Variants in ANO5 observed in about 807,000 individuals in gnomAD.
The protein encoded by ANO5 is anoctamin-5.
In ANO5, 109 loss-of-function variants were observed where a neutral mutation model predicts 121.0. The ratio of observed to expected loss-of-function variants is 0.90; its 90% CI spans 0.77 to 1.06. ANO5 has a LOEUF of 1.06. Among genes scored for constraint, ANO5 ranks in the 50% least tolerant of loss-of-function variants. The pLI is 0.00. For missense variants in ANO5, 1,064 were observed against 1,078.5 expected (o/e 0.99, Z 0.19); for synonymous variants, 406 against 359.9 (o/e 1.13, Z -1.45).
intron 13 of ANO5, among the ~76,000 whole-genome samples, chr11:22,257,110 C>A (rs951000608): frequency 2.0e-5 from 3 of 151,710 alleles, no homozygotes; most frequent in African/African-American, 4.8e-5. Context: ...TGTTTTTTTA[C>A]TATTTTTTGC....
rs777057133 is a variant in ANO5, at chr11:22,281,685, T to A, written c.*1920T>A. The A allele has an allele frequency of 1.3e-5, 2 of 152,072 alleles. No individual in the cohort carries two copies. The highest frequency in any genetic ancestry group is 4.8e-5 in the African/African-American group (2 of 41,454). 9.4% of individuals were successfully genotyped at this position (152,072 alleles called of 1,614,324 possible). The stretch of plus-strand genomic sequence containing the variant: ...AGAGCATGGAAATTGGTTTCTTGAA[T>A]ATAAGCTTTAATTTTTAAGGCTTAA... On this transcript the variant is annotated 3_prime_UTR_variant, in exon 22 of 22. Coordinates refer to ENST00000324559, the MANE Select transcript of ANO5 (RefSeq NM_213599.3).
chr11:22,277,700 A>G (rs1242237382), intron 21 of ANO5: 1 of 151,474 alleles, frequency 6.6e-6, no homozygotes, highest in African/African-American at 2.4e-5. Flanking sequence ...AGAAGTTTAG[A>G]TCACCTTTCA....
chr11:22,239,484 A>G, intron 8 of ANO5, 85 bp from the exon 9 acceptor site: 1 of 936,520 alleles, frequency 1.1e-6, no homozygotes, highest in Middle Eastern at 2.1e-4. Flanking sequence ...CTTGTTTACT[A>G]ACATTCTTAG....
Position 22,227,294 on chromosome 11 carries a change from T to C in ANO5, c.364-8T>C. The C allele has an allele frequency of 6.2e-7, 1 of 1,612,394 alleles. No individual in the cohort carries two copies. The highest frequency in any genetic ancestry group is 1.1e-5 in the South Asian group (1 of 91,034). ...GCTTTCTGCTGTTTTGCCTTTTTTT[T>C]AATGCAGGACTCGGAAGATGGAAGA... is the stretch of plus-strand genomic sequence containing the variant. On this transcript the variant is annotated splice_polypyrimidine_tract_variant and splice_region_variant and intron_variant, in intron 6 of 21. Transcript: ENST00000324559.
rs115025621 is a variant in ANO5 at position 22,255,929 on chromosome 11, T to C, written c.1332+407T>C. ...ATGTGTATGCTGTGGGCTTTGCATATAAATGTACAGACATTGAAATGATGC... is the reference window on the plus strand; with the variant it reads ...ATGTGTATGCTGTGGGCTTTGCATACAAATGTACAGACATTGAAATGATGC... On this transcript the variant is annotated intron_variant, in intron 13 of 21. Transcript: ENST00000324559. Among the ~76,000 whole-genome samples, 949 of 152,286 alleles carry C rather than the reference T, an allele frequency of 6.2e-3. 9 individuals are homozygous for C. Among genetic ancestry groups the C allele is most frequent in the African/African-American group, 0.022 (913 of 41,558 alleles).
chr11:22,205,080 G>A (rs535746287), intron 2 of ANO5, among the ~76,000 whole-genome samples: 1 of 152,172 alleles, frequency 6.6e-6, no homozygotes, highest in East Asian at 1.9e-4. Context: ...ATTACCTTTA[G>A]CAAACTAATA....
intron 9 of ANO5, among the ~76,000 whole-genome samples, chr11:22,248,072 G>GA (rs1423147504): frequency 6.6e-6 from 1 of 151,876 alleles, no homozygotes; most frequent in Non-Finnish European, 1.5e-5. Context: ...AGTCATTTTA[G>GA]AAAAAAATGT....
intron 9 of ANO5, among the ~76,000 whole-genome samples, chr11:22,245,920 G>A (rs534949806): frequency 2.9e-4 from 44 of 152,198 alleles, no homozygotes; most frequent in African/African-American, 9.2e-4. Context: ...TTTGTGTTTC[G>A]AATTTTCAGA....
At chr11:22,267,524 A>ATATATATAT (rs141657651) in intron 17 of ANO5, among the ~76,000 whole-genome samples, 2 of 144,594 alleles carry the variant, frequency 1.4e-5, no homozygotes, top group African/African-American at 5.7e-5. Flanking sequence ...ATATATATAT[A>ATATATATAT]AAATCTATCT....
At chr11:22,272,426 C>T (rs1854655031) in intron 18 of ANO5, among the ~76,000 whole-genome samples, 1 of 151,104 alleles carries the variant, frequency 6.6e-6, no homozygotes, top group Admixed American at 6.6e-5. Flanking sequence ...GATAGAAAAA[C>T]TTGGTTACCT....
rs111727530 is a variant in ANO5, at chr11:22,275,331, C to T, written c.2414+584C>T. Among the ~76,000 whole-genome samples the T allele has an allele frequency of 4.0e-3, 606 of 151,866 alleles. 1 individual carries two copies. The highest frequency in any genetic ancestry group is 0.01 in the Middle Eastern group (3 of 294). On this transcript the variant is annotated intron_variant, in intron 20 of 21. Transcript: ENST00000324559. Reference sequence around the variant, plus strand: ...AAAGACACACACACACACACACACACGCTTATCAAGGCCACTTAATTTAAA... The same window carrying T: ...AAAGACACACACACACACACACACATGCTTATCAAGGCCACTTAATTTAAA...
At chr11:22,209,420 GT>G (rs1472224039) in intron 2 of ANO5, among the ~76,000 whole-genome samples, 3 of 151,826 alleles carry the variant, frequency 2.0e-5, no homozygotes, top group Non-Finnish European at 4.4e-5. Flanking sequence ...ACTTGCTCAA[GT>G]TTACAAATGT....
At position 22,217,398 on chromosome 11, in the gene ANO5, A is replaced by G. The variant is rs565704910; in HGVS notation, c.139-848A>G. 1.5e-4 allele frequency among the ~76,000 whole-genome samples: 23 copies of G among 151,920 alleles called. No homozygotes were observed. The East Asian group carries it at 3.5e-3, about 23-fold the overall frequency. ...AACTGAGCATTTGAATAACTGAATG[A>G]CTTTTTATGTATTCTATTATATTGC... On this transcript the variant is annotated intron_variant, in intron 3 of 21. Coordinates refer to ENST00000324559, the MANE Select transcript of ANO5 (RefSeq NM_213599.3).
intron 13 of ANO5, among the ~76,000 whole-genome samples, chr11:22,255,973 T>G (rs1853989723): frequency 6.6e-6 from 1 of 152,176 alleles, no homozygotes; most frequent in Non-Finnish European, 1.5e-5. Context: ...ATATAAAAAT[T>G]AAAATAGTAT....
rs1239852095 is a variant in ANO5 at position 22,267,525 on chromosome 11, A to ATATATATATATATATATATATATAT, written c.1899-2787_1899-2786insTATATATATATATATATATATATAT. ...ATCTACAATTATATATATATATATA[A>ATATATATATATATATATATATATAT]AATCTATCTACAATTATACCAAGTG... On this transcript the variant is annotated intron_variant, in intron 17 of 21. Coordinates refer to ENST00000324559, the MANE Select transcript of ANO5 (RefSeq NM_213599.3). Among the ~76,000 whole-genome samples, 293 of 139,922 alleles carry ATATATATATATATATATATATATAT rather than the reference A, an allele frequency of 2.1e-3. 8 individuals carry two copies. The highest frequency in any genetic ancestry group is 0.019 in the East Asian group (82 of 4,420). The allele number at this position is 139,922 out of a possible 152,430, so 91.8% of individuals were successfully genotyped here.
In ANO5 at chr11:22,270,418, C is replaced by A. The variant is rs1854566957; in HGVS notation, c.2005C>A (p.Leu669Ile). ...CCTTGAAAGTTTTGGACCCCTTGGG[C>A]TTTTCTATGAGTACTTAGAAACAGG... ...HDLESFGPLG[L>I]FYEYLETVTQ... The change falls in exon 18 of 22, where the codon CTT becomes ATT. Residue 669 changes from leucine to isoleucine, a missense_variant. Transcript: ENST00000324559. 1 of 1,613,970 alleles carries A rather than the reference C, an allele frequency of 6.2e-7. No individual in the cohort carries two copies. The highest frequency in any genetic ancestry group is 1.1e-5 in the South Asian group (1 of 91,092).
chr11:22,237,741 G>A (rs932419741), intron 8 of ANO5, among the ~76,000 whole-genome samples: 4 of 152,000 alleles, frequency 2.6e-5, no homozygotes, highest in Non-Finnish European at 5.9e-5. Flanking sequence ...CAACAGGAGT[G>A]TCAATTTAGT....
intron 21 of ANO5, chr11:22,277,936 G>C (rs1854927859): frequency 6.6e-6 from 1 of 150,438 alleles, no homozygotes; most frequent in African/African-American, 2.5e-5. Context: ...AAAATTATGG[G>C]CAGTCCATTT....
intron 1 of ANO5, among the ~76,000 whole-genome samples, chr11:22,199,694 C>A (rs4408310): frequency 0.4 from 61,459 of 151,848 alleles, 14,849 homozygotes; most frequent in Middle Eastern, 0.57. Flanking sequence ...TGATCTCTGG[C>A]CTGATAAAAT....
Sources: allele counts gnomAD v4.1 joint callset (sites outside exome capture counted in the v4.1 genomes callset), GRCh38; gene constraint gnomAD v4.1.1; transcripts MANE v1.5; gene names NCBI Gene and HGNC (gene_info 2026-07-23, HGNC 2026-07-21).